The following DNAJC11 variants were observed in gnomAD, a reference collection of about 807,000 sequenced individuals.
The protein encoded by DNAJC11 is DnaJ heat shock protein family (Hsp40) member C11.
In DNAJC11, 15 loss-of-function variants were observed where a neutral mutation model predicts 78.6. The ratio of observed to expected loss-of-function variants is 0.19; its 90% CI spans 0.13 to 0.29. DNAJC11 has a LOEUF of 0.29. DNAJC11 is among the 10% of genes least tolerant of loss of function. The probability of loss-of-function intolerance (pLI) is 1.00; values close to 1 mark genes in which losing one functional copy is unlikely to be tolerated. For synonymous variants in DNAJC11, 292 were observed against 272.1 expected (o/e 1.07, Z -0.72); for missense variants, 547 against 709.6 (o/e 0.77, Z 2.60).
At chr1:6,682,240 T>G (rs1219906530) in intron 1 of DNAJC11, among the ~76,000 whole-genome samples, 1 of 149,846 alleles carries the variant, frequency 6.7e-6, no homozygotes, top group Non-Finnish European at 1.5e-5. Flanking sequence ...GTCCCAGGAC[T>G]AATGAGCTTC....
At chr1:6,643,847 T>C (rs1334377397) in intron 10 of DNAJC11, among the ~76,000 whole-genome samples, 2 of 152,086 alleles carry the variant, frequency 1.3e-5, no homozygotes, top group African/African-American at 2.4e-5. Context: ...TGCTTGACAT[T>C]TGCTTACTCA....
At chr1:6,666,154 T>C (rs1013405480) in intron 4 of DNAJC11, among the ~76,000 whole-genome samples, 2 of 152,212 alleles carry the variant, frequency 1.3e-5, no homozygotes, top group African/African-American at 4.8e-5. Context: ...AAATCATTTA[T>C]TGATTACACA....
intron 4 of DNAJC11, among the ~76,000 whole-genome samples, chr1:6,661,625 T>G (rs1216787417): frequency 1.3e-5 from 2 of 152,146 alleles, no homozygotes; most frequent in African/African-American, 4.8e-5. Context: ...ACTTCTCACG[T>G]TCTCCAATTG....
At position 6,652,825 on chromosome 1, in the gene DNAJC11, T is replaced by G; in HGVS notation, c.630+4A>C. 6.2e-7 allele frequency: 1 copy of G among 1,614,040 alleles called. No homozygotes were observed. Among genetic ancestry groups the G allele is most frequent in the African/African-American group, 1.3e-5 (1 of 75,032 alleles). ...AACACAACTCAGCCAATAGACATTC[T>G]TACCTCTCCCCATCCCTTTGCCGAA... On this transcript the variant is annotated splice_donor_region_variant and intron_variant, in intron 6 of 15. Transcript: ENST00000377577.
chr1:6,664,985 C>T (rs1023843483), intron 4 of DNAJC11, among the ~76,000 whole-genome samples: 6 of 152,150 alleles, frequency 3.9e-5, no homozygotes, highest in African/African-American at 1.4e-4. Context: ...ATATCACGCA[C>T]GGGATACAGC....
chr1:6,647,831 A>C (rs997440077), intron 7 of DNAJC11, among the ~76,000 whole-genome samples: 4 of 152,096 alleles, frequency 2.6e-5, no homozygotes, highest in Non-Finnish European at 4.4e-5. Context: ...AAACAAAACA[A>C]ACAAAAAAAA....
intron 4 of DNAJC11, among the ~76,000 whole-genome samples, chr1:6,656,677 G>C (rs905020395): frequency 6.7e-6 from 1 of 148,876 alleles, no homozygotes; most frequent in Non-Finnish European, 1.5e-5. Context: ...CCAGGAGTTC[G>C]AGACCAGCCT....
intron 10 of DNAJC11, 59 bp downstream of exon 10, chr1:6,644,499 G>T (rs1350286536): frequency 9.7e-6 from 12 of 1,235,822 alleles, no homozygotes; most frequent in Non-Finnish European, 1.4e-5. Context: ...CTTGGGTAAA[G>T]CCTGGTTGAG....
chr1:6,692,704 G>T (rs768304974), intron 1 of DNAJC11, among the ~76,000 whole-genome samples: 1 of 146,560 alleles, frequency 6.8e-6, no homozygotes, highest in Non-Finnish European at 1.5e-5. Context: ...TCTGCCTCCC[G>T]GGTTCAAGTG....
In DNAJC11 at chr1:6,634,914, G is replaced by C. The variant is rs1170037335; in HGVS notation, c.*761C>G. The C allele has an allele frequency of 8.5e-7, 1 of 1,171,268 alleles. No homozygotes were observed. The highest frequency in any genetic ancestry group is 3.6e-5 in the Admixed American group (1 of 27,684). The allele number at this position is 1,171,268 out of a possible 1,614,324, so 72.6% of individuals were successfully genotyped here. A position where few individuals can be genotyped will look rare whatever the true frequency, so the allele number is the denominator to read the frequency against. ...GCACTGCACTCTGGAGGTGGGTGGT[G>C]CAGGCGGTGGAGGGACACAGGCCAG... On this transcript the variant is annotated 3_prime_UTR_variant, in exon 16 of 16. Coordinates refer to ENST00000377577, the MANE Select transcript of DNAJC11 (RefSeq NM_018198.4).
intron 10 of DNAJC11, among the ~76,000 whole-genome samples, chr1:6,642,242 C>T (rs542081050): frequency 6.6e-6 from 1 of 152,140 alleles, no homozygotes; most frequent in African/African-American, 2.4e-5. Flanking sequence ...ATTGAGGGAA[C>T]CTCTGAGGTT....
chr1:6,694,687 T>C (rs551031197), intron 1 of DNAJC11, among the ~76,000 whole-genome samples: 3 of 151,718 alleles, frequency 2.0e-5, no homozygotes, highest in Non-Finnish European at 4.4e-5. Flanking sequence ...TTTTTTTGGC[T>C]GGGCGCGGTG....
At chr1:6,675,461 G>A (rs1232823973) in intron 3 of DNAJC11, among the ~76,000 whole-genome samples, 1 of 151,944 alleles carries the variant, frequency 6.6e-6, no homozygotes, top group East Asian at 1.9e-4. Flanking sequence ...TGTCACTCAG[G>A]CTGGAGTGCA....
chr1:6,699,463 C>T (rs569975696), intron 1 of DNAJC11, among the ~76,000 whole-genome samples: 8 of 152,284 alleles, frequency 5.3e-5, no homozygotes, highest in South Asian at 2.1e-4. Context: ...CAGCTGCCTA[C>T]GGTTCAGTAC....
intron 1 of DNAJC11, among the ~76,000 whole-genome samples, chr1:6,700,375 C>T (rs1228247817): frequency 1.3e-5 from 2 of 152,154 alleles, no homozygotes; most frequent in African/African-American, 4.8e-5. Context: ...TCACACAAAG[C>T]CTGTTTGGTG....
intron 1 of DNAJC11, among the ~76,000 whole-genome samples, chr1:6,691,466 C>T (rs1244179294): frequency 6.6e-6 from 1 of 152,212 alleles, no homozygotes; most frequent in Admixed American, 6.5e-5. Context: ...GCCCCAGTCT[C>T]TAGAAACAAG....
chr1:6,671,404 G>A (rs1432451893), intron 3 of DNAJC11, among the ~76,000 whole-genome samples: 5 of 151,632 alleles, frequency 3.3e-5, no homozygotes, highest in African/African-American at 1.2e-4. Flanking sequence ...CACCACGCCC[G>A]GCTAATTTTT....
chr1:6,699,382 T>A (rs1642889603), intron 1 of DNAJC11, among the ~76,000 whole-genome samples: 1 of 152,188 alleles, frequency 6.6e-6, no homozygotes, highest in South Asian at 2.1e-4. Context: ...TTTCAAGGTA[T>A]ACCTTTGACA....
intron 1 of DNAJC11, among the ~76,000 whole-genome samples, chr1:6,682,020 A>G (rs1411442918): frequency 1.3e-5 from 2 of 152,052 alleles, no homozygotes; most frequent in Non-Finnish European, 2.9e-5. Flanking sequence ...GGGGCCCCAA[A>G]AATCTGCCAA....
Sources: gnomAD v4.1 joint callset for allele counts (sites outside exome capture counted in the v4.1 genomes callset) on GRCh38, gnomAD v4.1.1 for gene constraint, MANE v1.5 for transcripts, NCBI Gene and HGNC (gene_info 2026-07-23, HGNC 2026-07-21) for gene names.